The following PTK2 variants were observed in gnomAD, a reference collection of about 807,000 sequenced individuals.
The protein encoded by PTK2 is protein tyrosine kinase 2.
In PTK2, 45 loss-of-function variants were observed where a neutral mutation model predicts 150.1. The observed-to-expected ratio is 0.30, with a 90% CI of 0.24 to 0.38. The LOEUF is 0.38. PTK2 is among the 10% of genes least tolerant of loss of function. The pLI, the probability that PTK2 is intolerant of heterozygous loss-of-function variation, is 1.00. For missense variants in PTK2, 919 were observed against 1,307.3 expected (o/e 0.70, Z 4.58); for synonymous variants, 432 against 449.2 (o/e 0.96, Z 0.48).
At chr8:140,687,413 G>C (rs1015612750) in intron 26 of PTK2, among the ~76,000 whole-genome samples, 1 of 152,120 alleles carries the variant, frequency 6.6e-6, no homozygotes, top group African/African-American at 2.4e-5. Flanking sequence ...ACCCTTTCTT[G>C]GCAGCATATT....
intron 23 of PTK2, among the ~76,000 whole-genome samples, chr8:140,709,968 G>GA (rs750909263): frequency 2.0e-5 from 3 of 151,106 alleles, no homozygotes; most frequent in Non-Finnish European, 3.0e-5. Context: ...AAACATACAG[G>GA]AAAAAAACAA....
At chr8:140,898,802 T>G (rs2100157335) in intron 2 of PTK2, among the ~76,000 whole-genome samples, 1 of 151,998 alleles carries the variant, frequency 6.6e-6, no homozygotes, top group African/African-American at 2.4e-5. Context: ...TAATAAAACT[T>G]GAGACATTTG....
At chr8:140,673,694 CAGG>C (rs1246361484) in intron 29 of PTK2, among the ~76,000 whole-genome samples, 1 of 152,048 alleles carries the variant, frequency 6.6e-6, no homozygotes, top group Non-Finnish European at 1.5e-5. Flanking sequence ...GGTGGGGACC[CAGG>C]AGAGTCACAG....
At chr8:140,783,019 G>T (rs1332591168) in intron 14 of PTK2, among the ~76,000 whole-genome samples, 1 of 152,004 alleles carries the variant, frequency 6.6e-6, no homozygotes, top group Non-Finnish European at 1.5e-5. Flanking sequence ...CAGGCAGGTC[G>T]CTTGAGCCCA....
intron 1 of PTK2, among the ~76,000 whole-genome samples, chr8:140,963,308 G>A (rs368587641): frequency 1.2e-4 from 18 of 152,062 alleles, no homozygotes; most frequent in South Asian, 2.1e-4. Flanking sequence ...ACACATTTCC[G>A]GAAGTTCAGA....
chr8:140,975,489 C>T (rs1316425001), intron 1 of PTK2, among the ~76,000 whole-genome samples: 7 of 152,182 alleles, frequency 4.6e-5, no homozygotes, highest in African/African-American at 1.4e-4. Context: ...GAATCCACTT[C>T]CCATCTTCCG....
Position 140,724,260 on chromosome 8 carries a change from C to T in PTK2, c.2031-6551G>A, listed in dbSNP as rs185496298. ...AACTATTGTTAGAATGGAAAAACAA[C>T]ATATGTATTAATAAAAAATTAGTAA... On this transcript the variant is annotated intron_variant, in intron 22 of 31. Coordinates refer to ENST00000522684, the Ensembl canonical transcript of PTK2. Among the ~76,000 whole-genome samples, 16 of 152,258 alleles carry T rather than the reference C, an allele frequency of 1.1e-4. No homozygotes were observed. The East Asian group carries it at 3.1e-3, about 29-fold the overall frequency.
intron 2 of PTK2, among the ~76,000 whole-genome samples, chr8:140,898,420 G>T (rs558085999): frequency 2.6e-5 from 4 of 152,208 alleles, no homozygotes; most frequent in African/African-American, 7.2e-5. Context: ...GACTGGAATG[G>T]GAGAGAAGAT....
chr8:140,920,842 AC>A (rs759225570), intron 2 of PTK2: 1 of 1,526,728 alleles, frequency 6.5e-7, no homozygotes, highest in South Asian at 1.2e-5. Flanking sequence ...GAAATGGACT[AC>A]ATCCGCTTTT....
intron 1 of PTK2, among the ~76,000 whole-genome samples, chr8:140,967,844 C>T (rs2100185858): frequency 6.6e-6 from 1 of 152,122 alleles, no homozygotes; most frequent in Non-Finnish European, 1.5e-5. Context: ...CACTTTATAC[C>T]AATTTTCCCT....
chr8:140,746,819 T>C, exon 18 of PTK2: 1 of 1,613,450 alleles, frequency 6.2e-7, no homozygotes. Flanking sequence ...ATGACTCCAA[T>C]CAGCTTCACA....
chr8:140,903,536 G>A (rs2100159622), intron 2 of PTK2, among the ~76,000 whole-genome samples: 2 of 152,130 alleles, frequency 1.3e-5, no homozygotes, highest in Non-Finnish European at 2.9e-5. Context: ...CTAATTCTGT[G>A]AAGAAAGTCA....
intron 26 of PTK2, among the ~76,000 whole-genome samples, chr8:140,697,852 G>GTTTTTTTTTTTTTTTT (rs71308981): frequency 8.3e-5 from 4 of 48,028 alleles, no homozygotes; most frequent in African/African-American, 3.6e-4. Context: ...AGGGTTTACT[G>GTTTTTTTTTTTTTTTT]TTTTTTTTTT....
intron 1 of PTK2, among the ~76,000 whole-genome samples, chr8:140,929,933 G>C (rs189270617): frequency 1.3e-5 from 2 of 152,270 alleles, no homozygotes; most frequent in Admixed American, 1.3e-4. Flanking sequence ...TGCCTCTTCT[G>C]TGCATAGGCA....
At chr8:140,963,960 G>A (rs751758287) in intron 1 of PTK2, among the ~76,000 whole-genome samples, 6 of 151,958 alleles carry the variant, frequency 3.9e-5, no homozygotes, top group Non-Finnish European at 5.9e-5. Context: ...CCTTTTCTAC[G>A]GTAGGGTCAT....
At chr8:140,827,992 C>A (rs1416819468) in intron 8 of PTK2, among the ~76,000 whole-genome samples, 1 of 152,018 alleles carries the variant, frequency 6.6e-6, no homozygotes, top group Non-Finnish European at 1.5e-5. Flanking sequence ...CACAGTGAAA[C>A]CCCATCTCTA....
At chr8:140,679,003 G>GTTTTGTTTT (rs2100015512) in intron 27 of PTK2, among the ~76,000 whole-genome samples, 1 of 68,988 alleles carries the variant, frequency 1.4e-5, no homozygotes, top group African/African-American at 6.4e-5. Flanking sequence ...TGCTCCCCAT[G>GTTTTGTTTT]TTTTTTTTTT....
At chr8:140,999,373 A>G (rs191433029) in intron 1 of PTK2, among the ~76,000 whole-genome samples, 3 of 152,332 alleles carry the variant, frequency 2.0e-5, no homozygotes, top group Admixed American at 6.5e-5. Context: ...TTAAAGGAAA[A>G]CCTTGTAATA....
intron 1 of PTK2, chr8:140,934,490 T>C (rs963308337): frequency 3.9e-5 from 6 of 152,158 alleles, no homozygotes; most frequent in Non-Finnish European, 7.4e-5. Context: ...CTAATGAAAA[T>C]ACCTTGACAT....
Sources: gnomAD v4.1 joint callset for allele counts (sites outside exome capture counted in the v4.1 genomes callset) on GRCh38, gnomAD v4.1.1 for gene constraint, MANE v1.5 for transcripts, NCBI Gene and HGNC (gene_info 2026-07-23, HGNC 2026-07-21) for gene names.